BRCA2: variants seen among roughly 807,000 people sequenced by gnomAD.
The protein encoded by BRCA2 is BRCA2 DNA repair associated.
BRCA2 carries 203 observed loss-of-function variants against 276.7 expected under a neutral mutation model. The ratio of observed to expected loss-of-function variants is 0.73; its 90% confidence interval spans 0.65 to 0.82. The LOEUF is 0.82. BRCA2 is among the 40% of genes least tolerant of loss of function. BRCA2 has a pLI of 0.00. For missense variants in BRCA2, 3,920 were observed against 3,915.0 expected (o/e 1.00, Z -0.03); for synonymous variants, 1,289 against 1,338.4 (o/e 0.96, Z 0.81).
At chr13:32,326,720 G>T in intron 7 of BRCA2, 107 bp downstream of exon 7, 1 of 816,706 alleles carries the variant, frequency 1.2e-6, no homozygotes. Context: ...ATTAGATAAT[G>T]TCTTTGATAA....
chr13:32,370,946 A>G lies in BRCA2; in HGVS notation c.8488-10A>G, dbSNP rs749196803. 6 of 1,613,886 alleles carry G rather than the reference A, an allele frequency of 3.7e-6. No homozygotes were observed. The East Asian group carries it at 1.1e-4, about 30-fold the overall frequency. On this transcript the variant is annotated splice_polypyrimidine_tract_variant and intron_variant, in intron 19 of 26. Coordinates refer to ENST00000380152, the MANE Select transcript of BRCA2 (RefSeq NM_000059.4). ...GTGACTTTTTTGGTGTGTGTAACAC[A>G]TTATTACAGTGGATGGAGAAGACAT...
intron 3 of BRCA2, 124 bp from the exon 4 acceptor site, chr13:32,324,952 T>TA (rs1006485103): frequency 2.7e-5 from 19 of 704,708 alleles, no homozygotes; most frequent in African/African-American, 1.8e-4. Context: ...AACCTCTTCT[T>TA]ACAACTCCCT....
intron 8 of BRCA2, 72 bp from the exon 9 acceptor site, chr13:32,330,847 A>C (rs2137460721): frequency 1.1e-6 from 1 of 913,072 alleles, no homozygotes; most frequent in Non-Finnish European, 1.7e-6. Flanking sequence ...GAAACCATGG[A>C]TAAGGGGGGA....
chr13:32,325,272 T>C, intron 4 of BRCA2, 88 bp downstream of exon 4: 1 of 1,072,586 alleles, frequency 9.3e-7, no homozygotes, highest in South Asian at 1.5e-5. Context: ...ATTTTTATGC[T>C]AATATTTTGG....
chr13:32,332,048 T>C (rs890483565), intron 9 of BRCA2, among the ~76,000 whole-genome samples: 29 of 152,146 alleles, frequency 1.9e-4, no homozygotes, highest in African/African-American at 7.0e-4. Flanking sequence ...AATAAAAGGC[T>C]TTAGGTTCAT....
intron 18 of BRCA2, among the ~76,000 whole-genome samples, chr13:32,366,238 T>C (rs1359795113): frequency 4.6e-5 from 7 of 152,150 alleles, no homozygotes; most frequent in Non-Finnish European, 8.8e-5. Context: ...AGAACAACAA[T>C]AGCAACAACA....
rs1057521370 is a variant in BRCA2 at position 32,339,071 on chromosome 13, C to T, written c.4716C>T (p.Ala1572=). The change falls in exon 11 of 27, where the codon GCC becomes GCT. Residue 1572 remains alanine (A), a synonymous_variant. Coordinates refer to ENST00000380152, the MANE Select transcript of BRCA2 (RefSeq NM_000059.4). ...QWAKTLKYRE[A]CKDLELACET... Reference sequence around the variant, plus strand: ...CAAAGACCCTAAAGTACAGAGAGGCCTGTAAAGACCTTGAATTAGCATGTG... The same window carrying T: ...CAAAGACCCTAAAGTACAGAGAGGCTTGTAAAGACCTTGAATTAGCATGTG... 1 of 1,613,912 alleles carries T rather than the reference C, an allele frequency of 6.2e-7. No individual in the cohort carries two copies. The highest frequency in any genetic ancestry group is 8.5e-7 in the Non-Finnish European group (1 of 1,179,894).
intron 4 of BRCA2, among the ~76,000 whole-genome samples, chr13:32,325,749 C>T (rs1293471023): frequency 2.0e-5 from 3 of 151,884 alleles, no homozygotes; most frequent in Non-Finnish European, 2.9e-5. Context: ...ACCGTGTTAG[C>T]TAGGATGGTC....
At chr13:32,350,199 A>G (rs1310579501) in intron 13 of BRCA2, among the ~76,000 whole-genome samples, 1 of 152,210 alleles carries the variant, frequency 6.6e-6, no homozygotes, top group African/African-American at 2.4e-5. Context: ...ACATCCAAAG[A>G]TTATGAGACA....
In BRCA2 at chr13:32,316,519, A is replaced by G. The variant is rs398122544; in HGVS notation, c.59A>G (p.Asn20Ser). The G allele has an allele frequency of 3.1e-6, 5 of 1,613,880 alleles. No homozygotes were observed. The South Asian group carries it at 4.4e-5, about 14-fold the overall frequency. Reference protein sequence around the residue: ...TFFEIFKTRCNKADLGPISLN... With the variant: ...TFFEIFKTRCSKADLGPISLN... ...TTTGAAATTTTTAAGACACGCTGCAACAAAGCAGGTATTGACAAATTTTAT... is the reference window on the plus strand; with the variant it reads ...TTTGAAATTTTTAAGACACGCTGCAGCAAAGCAGGTATTGACAAATTTTAT... The change falls in exon 2 of 27, where the codon AAC becomes AGC. Residue 20 changes from asparagine (N) to serine (S), a missense_variant. Physicochemically the swap from Asn to Ser is conservative, Grantham distance 46 (BLOSUM62 1). This residue lies in a region of BRCA2 where 3,263 missense variants were observed against 3,156.9 expected (regional missense o/e 1.03). Transcript: ENST00000380152.
At chr13:32,390,685 G>A (rs2072990829) in intron 24 of BRCA2, among the ~76,000 whole-genome samples, 1 of 152,078 alleles carries the variant, frequency 6.6e-6, no homozygotes, top group African/African-American at 2.4e-5. Context: ...CATTTTGTTG[G>A]TTTGGCTGTT....
At position 32,338,409 on chromosome 13, in the gene BRCA2, G is replaced by T. The variant is rs80358655; in HGVS notation, c.4054G>T (p.Asp1352Tyr). 4.4e-6 allele frequency: 7 copies of T among 1,603,268 alleles called. No individual in the cohort carries two copies. The highest frequency in any genetic ancestry group is 5.9e-6 in the Non-Finnish European group (7 of 1,176,744). ...SKNDTVCIHK[D>Y]ETDLLFTDQH... ...AAATGATACTGTTTGTATTCATAAAGATGAAACGGACTTGCTATTTACTGA... is the reference window on the plus strand; with the variant it reads ...AAATGATACTGTTTGTATTCATAAATATGAAACGGACTTGCTATTTACTGA... Residue 1352 changes from aspartate (D) to tyrosine (Y), a missense_variant, in exon 11 of 27, where the codon GAT becomes TAT. This residue lies in a region of BRCA2 where 3,263 missense variants were observed against 3,156.9 expected (regional missense o/e 1.03). Transcript: ENST00000380152.
At position 32,376,697 on chromosome 13, in the gene BRCA2, C is replaced by G. The variant is rs2072874696; in HGVS notation, c.8660C>G (p.Ser2887Ter). The G allele has an allele frequency of 6.2e-7, 1 of 1,614,074 alleles. No individual in the cohort carries two copies. The highest frequency in any genetic ancestry group is 8.5e-7 in the Non-Finnish European group (1 of 1,179,998). Residue 2887 changes from serine to a stop codon, truncating the protein, a stop_gained, in exon 21 of 27, where the codon TCA becomes TGA. Transcript: ENST00000380152. LOFTEE classifies it high-confidence loss of function. ...EENTTKPYLP[S>*]RALTRQQVRA... The stretch of plus-strand genomic sequence containing the variant: ...AACACAACAAAACCATATTTACCAT[C>G]ACGTGCACTAACAAGACAGCAAGTT...
At chr13:32,320,173 A>G (rs1402405552) in intron 3 of BRCA2, among the ~76,000 whole-genome samples, 1 of 152,236 alleles carries the variant, frequency 6.6e-6, no homozygotes. Flanking sequence ...GCAAAAAGGC[A>G]GACTAAAGGC....
At chr13:32,335,922 C>A (rs1462583869) in intron 10 of BRCA2, among the ~76,000 whole-genome samples, 2 of 152,034 alleles carry the variant, frequency 1.3e-5, no homozygotes, top group African/African-American at 4.8e-5. Flanking sequence ...CATTCTGTTA[C>A]CTAGTCTGGA....
In BRCA2 at chr13:32,363,288, T is replaced by C. The variant is rs767912817; in HGVS notation, c.8086T>C (p.Leu2696=). The change falls in exon 18 of 27, where the codon TTG becomes CTG. Residue 2696 remains leucine, a synonymous_variant. Coordinates refer to ENST00000380152, the MANE Select transcript of BRCA2 (RefSeq NM_000059.4). ...TCTCTGTGTTTCTGACATAATTTCA[T>C]TGAGCGCAAATATATCTGAAACTTC... is the stretch of plus-strand genomic sequence containing the variant. The part of the protein sequence containing the change: ...LVLCVSDIIS[L]SANISETSSN... 16 of 1,614,056 alleles carry C rather than the reference T, an allele frequency of 9.9e-6. No homozygotes were observed. Among genetic ancestry groups the C allele is most frequent in the East Asian group, 4.5e-5 (2 of 44,882 alleles).
At chr13:32,364,808 A>ATTCTGAAGTGCTCATT (rs2072769653) in intron 18 of BRCA2, among the ~76,000 whole-genome samples, 1 of 152,096 alleles carries the variant, frequency 6.6e-6, no homozygotes, top group African/African-American at 2.4e-5. Flanking sequence ...TGCTTACTCC[A>ATTCTGAAGTGCTCATT]TTCTGAAGTG....
Position 32,363,324 on chromosome 13 carries a change from A to G in BRCA2, c.8122A>G (p.Thr2708Ala), listed in dbSNP as rs1593925141. 3 of 1,614,084 alleles carry G rather than the reference A, an allele frequency of 1.9e-6. No individual in the cohort carries two copies. Among genetic ancestry groups the G allele is most frequent in the East Asian group, 2.2e-5 (1 of 44,890 alleles). The stretch of plus-strand genomic sequence containing the variant: ...TATATCTGAAACTTCTAGCAATAAA[A>G]CTAGTAGTGCAGATACCCAAAAAGT... ...ANISETSSNK[T>A]SSADTQKVAI... Residue 2708 changes from threonine (T) to alanine (A), a missense_variant, in exon 18 of 27, where the codon ACT becomes GCT. Thr to Ala is a moderately conservative substitution (Grantham distance 58). Coordinates refer to ENST00000380152, the MANE Select transcript of BRCA2 (RefSeq NM_000059.4).
In BRCA2 at chr13:32,363,236, G is replaced by A. The variant is rs1204728357; in HGVS notation, c.8034G>A (p.Arg2678=). Residue 2678 remains arginine, a synonymous_variant, in exon 18 of 27, where the codon AGG becomes AGA. Transcript: ENST00000380152. ...RRSAIKKIME[R]DDTAAKTLVL... ...CGGCTATAAAAAAGATAATGGAAAGGGATGACACAGCTGCAAAAACACTTG... is the reference window on the plus strand; with the variant it reads ...CGGCTATAAAAAAGATAATGGAAAGAGATGACACAGCTGCAAAAACACTTG... 1.2e-6 allele frequency: 2 copies of A among 1,613,860 alleles called. No individual in the cohort carries two copies. Among genetic ancestry groups the A allele is most frequent in the African/African-American group, 2.7e-5 (2 of 74,888 alleles).
Sources: allele counts gnomAD v4.1 joint callset (sites outside exome capture counted in the v4.1 genomes callset), GRCh38; gene constraint gnomAD v4.1.1; regional missense constraint gnomAD v4.1.1; transcripts MANE v1.5; gene names NCBI Gene and HGNC (gene_info 2026-07-23, HGNC 2026-07-21).